The following ROBO2 variants were observed in gnomAD, a reference collection of about 807,000 sequenced individuals.
The protein encoded by ROBO2 is roundabout guidance receptor 2.
A neutral mutation model predicts 160.8 loss-of-function variants in ROBO2; 53 were observed. The ratio of observed to expected loss-of-function variants is 0.33; its 90% CI spans 0.26 to 0.41. The LOEUF (loss-of-function observed/expected upper bound fraction) is 0.41. ROBO2 is among the 10% of genes least tolerant of loss of function. The pLI, the probability that ROBO2 is intolerant of heterozygous loss-of-function variation, is 1.00. For missense variants in ROBO2, 1,577 were observed against 1,722.4 expected (o/e 0.92, Z 1.49); for synonymous variants, 664 against 611.7 (o/e 1.09, Z -1.26).
intron 2 of ROBO2, among the ~76,000 whole-genome samples, chr3:76,036,023 G>C (rs966851168): frequency 2.0e-5 from 3 of 151,984 alleles, no homozygotes; most frequent in Admixed American, 1.3e-4. Context: ...TCTAAAGCTA[G>C]AGTCAGGATA....
chr3:76,666,324 C>T (rs1401772464), intron 2 of ROBO2, among the ~76,000 whole-genome samples: 1 of 151,808 alleles, frequency 6.6e-6, no homozygotes, highest in Non-Finnish European at 1.5e-5. Context: ...CAATGATGAC[C>T]AACTTTTAAG....
At chr3:76,580,342 G>GTGTTTTTTTTT (rs2085603831) in intron 2 of ROBO2, among the ~76,000 whole-genome samples, 1 of 90,562 alleles carries the variant, frequency 1.1e-5, no homozygotes, top group Non-Finnish European at 2.1e-5. Flanking sequence ...TTTTTTTTGT[G>GTGTTTTTTTTT]TTTTTTTTTT....
chr3:76,306,939 G>A (rs1319883656), intron 2 of ROBO2, among the ~76,000 whole-genome samples: 2 of 152,194 alleles, frequency 1.3e-5, no homozygotes, highest in Non-Finnish European at 2.9e-5. Flanking sequence ...TCATAATGCA[G>A]CCCATTTTTT....
rs182925381 is a variant in ROBO2 at position 77,422,981 on chromosome 3, G to A, written c.389-54433G>A. Among the ~76,000 whole-genome samples, 156 of 152,200 alleles carry A rather than the reference G, an allele frequency of 1.0e-3. 1 individual carries two copies. The highest frequency in any genetic ancestry group is 3.5e-3 in the African/African-American group (147 of 41,532). On this transcript the variant is annotated intron_variant, in intron 2 of 25. Transcript: ENST00000461745. ...AATTCCCTTATGGCCCATATGTAGTGTAACTATATTTTCTATGGCAGTCAG... is the reference window on the plus strand; with the variant it reads ...AATTCCCTTATGGCCCATATGTAGTATAACTATATTTTCTATGGCAGTCAG...
chr3:77,292,173 A>G (rs1384445440), intron 2 of ROBO2, among the ~76,000 whole-genome samples: 4 of 151,600 alleles, frequency 2.6e-5, no homozygotes, highest in Non-Finnish European at 5.9e-5. Context: ...CTGAGGCTAG[A>G]TCACGCCAGA....
intron 2 of ROBO2, among the ~76,000 whole-genome samples, chr3:76,455,150 T>G (rs2077686201): frequency 6.6e-6 from 1 of 152,172 alleles, no homozygotes; most frequent in East Asian, 1.9e-4. Context: ...GGATATTTCA[T>G]GTCATTTTTG....
chr3:75,942,861 A>AT (rs1189423221), intron 2 of ROBO2, among the ~76,000 whole-genome samples: 2 of 151,992 alleles, frequency 1.3e-5, no homozygotes, highest in African/African-American at 4.8e-5. Flanking sequence ...TAGATTAATC[A>AT]TGCATTTCAG....
chr3:77,026,348 T>A (rs2062963422), intron 2 of ROBO2, among the ~76,000 whole-genome samples: 1 of 152,200 alleles, frequency 6.6e-6, no homozygotes, highest in Admixed American at 6.5e-5. Context: ...ATATAGTAGA[T>A]GAACTAGCTA....
chr3:76,359,078 C>G (rs1003623723), intron 2 of ROBO2, among the ~76,000 whole-genome samples: 16 of 151,816 alleles, frequency 1.1e-4, no homozygotes, highest in Non-Finnish European at 2.9e-5. Context: ...CAATTTCATC[C>G]ATGTCCCTAC....
chr3:77,145,130 A>T (rs1303048833), intron 2 of ROBO2, among the ~76,000 whole-genome samples: 1 of 152,168 alleles, frequency 6.6e-6, no homozygotes, highest in Non-Finnish European at 1.5e-5. Context: ...CAGAGTCTCT[A>T]TGATAGATAC....
chr3:77,453,572 G>A (rs2081324739), intron 2 of ROBO2, among the ~76,000 whole-genome samples: 1 of 152,068 alleles, frequency 6.6e-6, no homozygotes, highest in Non-Finnish European at 1.5e-5. Context: ...TATAACTTGA[G>A]ACTTTTTCCT....
intron 2 of ROBO2, among the ~76,000 whole-genome samples, chr3:76,324,321 G>A (rs947586536): frequency 6.6e-6 from 1 of 152,184 alleles, no homozygotes; most frequent in Non-Finnish European, 1.5e-5. Flanking sequence ...TAGAACTGAA[G>A]CTGTGTGTTC....
At chr3:77,063,225 A>G (rs892970319) in intron 1 of ROBO2, among the ~76,000 whole-genome samples, 4 of 152,218 alleles carry the variant, frequency 2.6e-5, no homozygotes, top group South Asian at 4.1e-4. Context: ...GGCTATGCCC[A>G]TCTGCCACCC....
rs147446325 is a variant in ROBO2 at position 77,411,574 on chromosome 3, G to A, written c.389-65840G>A. ...GAGGAAGTCCTTCACACCTTGCTAC[G>A]GTAAAGTTACCAACACACTTTATTA... On this transcript the variant is annotated intron_variant, in intron 2 of 25. Transcript: ENST00000461745. 1.2e-3 allele frequency among the ~76,000 whole-genome samples: 181 copies of A among 152,146 alleles called. 1 individual carries two copies. Among genetic ancestry groups the A allele is most frequent in the African/African-American group, 4.2e-3 (173 of 41,502 alleles).
intron 2 of ROBO2, among the ~76,000 whole-genome samples, chr3:76,805,491 A>C (rs866369826): frequency 6.8e-6 from 1 of 148,142 alleles, no homozygotes. Context: ...TGTTCCCCCC[A>C]TATATATATA....
chr3:77,373,907 C>CGTGCCT, intron 2 of ROBO2, among the ~76,000 whole-genome samples: 1 of 149,632 alleles, frequency 6.7e-6, no homozygotes, highest in East Asian at 2.0e-4. Flanking sequence ...CGCGATGGCT[C>CGTGCCT]GTGCCTGTAA....
At chr3:76,860,516 C>G (rs1050914645) in intron 2 of ROBO2, among the ~76,000 whole-genome samples, 3 of 152,012 alleles carry the variant, frequency 2.0e-5, no homozygotes, top group Non-Finnish European at 1.5e-5. Context: ...TTGCTTATGT[C>G]TCCAAAAATA....
intron 19 of ROBO2, 112 bp downstream of exon 20, chr3:77,596,862 T>A (rs2094317295): frequency 2.4e-6 from 3 of 1,251,876 alleles, no homozygotes. Context: ...ACTCCCATAA[T>A]TAAAATCAAT....
intron 1 of ROBO2, among the ~76,000 whole-genome samples, chr3:75,928,824 A>G (rs111741711): frequency 4.1e-4 from 59 of 144,892 alleles, no homozygotes; most frequent in African/African-American, 1.3e-3. Flanking sequence ...TGTACTTTCA[A>G]TGTACCTTCA....
Sources: gnomAD v4.1 joint callset for allele counts (sites outside exome capture counted in the v4.1 genomes callset) on GRCh38, gnomAD v4.1.1 for gene constraint, MANE v1.5 for transcripts, NCBI Gene and HGNC (gene_info 2026-07-23, HGNC 2026-07-21) for gene names.